TEX36: variants seen among roughly 807,000 people sequenced by gnomAD.
TEX36 encodes testis-expressed protein 36.
A neutral mutation model predicts 13.6 loss-of-function variants in TEX36; 12 were observed. That is an observed-to-expected ratio of 0.88 (90% confidence interval 0.56 to 1.43). The LOEUF (loss-of-function observed/expected upper bound fraction) is 1.43. Among genes scored for constraint, TEX36 ranks in the 40% most tolerant of loss-of-function variants. TEX36 has a pLI of 0.00. For missense variants in TEX36, 224 were observed against 228.3 expected (o/e 0.98, Z 0.12); for synonymous variants, 93 against 83.0 (o/e 1.12, Z -0.65).
chr10:125,645,108 C>T (rs759207455), intron 3 of TEX36, among the ~76,000 whole-genome samples: 4 of 152,214 alleles, frequency 2.6e-5, no homozygotes, highest in Non-Finnish European at 5.9e-5. Flanking sequence ...GCCTGTAAGA[C>T]CTTGAGCAGA....
intron 3 of TEX36, among the ~76,000 whole-genome samples, chr10:125,607,515 C>T (rs1477286976): frequency 6.6e-5 from 10 of 152,176 alleles, no homozygotes; most frequent in African/African-American, 2.2e-4. Flanking sequence ...AACAATTCTC[C>T]CTCCTGAGCA....
At chr10:125,661,124 A>C in intron 2 of TEX36, 23 bp from the exon 3 acceptor site, 1 of 1,536,014 alleles carries the variant, frequency 6.5e-7, no homozygotes, top group Non-Finnish European at 8.8e-7. Context: ...GATGGAAGGG[A>C]AAGAGCACAC....
At chr10:125,579,678 CT>C (rs1845862720) in intron 3 of TEX36, among the ~76,000 whole-genome samples, 1 of 152,024 alleles carries the variant, frequency 6.6e-6, no homozygotes, top group African/African-American at 2.4e-5. Flanking sequence ...GGATTTCCTC[CT>C]TGCTTTTCTC....
chr10:125,642,780 C>T lies in TEX36; in HGVS notation c.264+18241G>A, dbSNP rs780049229. 5.9e-5 allele frequency among the ~76,000 whole-genome samples: 9 copies of T among 152,280 alleles called. No individual in the cohort carries two copies. In the East Asian group the frequency reaches 9.6e-4, roughly 16 times the overall value. On this transcript the variant is annotated intron_variant, in intron 3 of 3. Transcript: ENST00000526819. ...CTTACTAATTCCCTATTTCAACAAA[C>T]GGAGACCAGGCCTCAGACAAGAGGT...
At chr10:125,578,935 C>T (rs772881846) in intron 3 of TEX36, among the ~76,000 whole-genome samples, 4 of 152,188 alleles carry the variant, frequency 2.6e-5, no homozygotes, top group Non-Finnish European at 4.4e-5. Flanking sequence ...GTGCCCTGGT[C>T]GCCCATGCCT....
intron 3 of TEX36, among the ~76,000 whole-genome samples, chr10:125,638,070 C>T (rs531099105): frequency 1.6e-4 from 25 of 152,192 alleles, no homozygotes; most frequent in African/African-American, 5.1e-4. Context: ...ACCTCCCTCA[C>T]TCACTCCAGA....
intron 3 of TEX36, among the ~76,000 whole-genome samples, chr10:125,640,662 C>A (rs1252462081): frequency 1.3e-5 from 2 of 152,106 alleles, no homozygotes; most frequent in Non-Finnish European, 2.9e-5. Context: ...ATTGACTGCC[C>A]TGTGTGTTTG....
intron 3 of TEX36, among the ~76,000 whole-genome samples, chr10:125,586,656 AAT>A (rs1355411426): frequency 1.4e-5 from 2 of 146,222 alleles, no homozygotes; most frequent in African/African-American, 5.0e-5. Flanking sequence ...AAAAAAAAAA[AAT>A]TAGCCAGGCA....
chr10:125,653,197 T>C (rs1293867184), downstream of TEX36, among the ~76,000 whole-genome samples: 1 of 152,164 alleles, frequency 6.6e-6, no homozygotes, highest in Non-Finnish European at 1.5e-5. Context: ...CGTATGTTTA[T>C]TGTGGCACTA....
chr10:125,655,945 T>C lies in TEX36; in HGVS notation c.516A>G (p.Val172=), dbSNP rs61746963. ...CAACCTTTTTGTCAACAGTGAACCT[T>C]ACTTTGGGCTTCTTTTTCAAAACCT... ...YTEVLKKKPK[V]RFTVDKKVVS... is the part of the protein sequence containing the mutation. Residue 172 remains valine, a synonymous_variant, in exon 4 of 4, where the codon GTA becomes GTG. Coordinates refer to ENST00000368821, the MANE Select transcript of TEX36 (RefSeq NM_001128202.3). 3.5e-4 allele frequency: 539 copies of C among 1,547,444 alleles called. 2 individuals are homozygous for C. In the African/African-American group the frequency reaches 5.6e-3, roughly 16 times the overall value.
rs550598514 is a variant in TEX36, at chr10:125,665,421, T to A, written c.52-3444A>T. Reference sequence around the variant, plus strand: ...TCAATTCATTTTGAGTTGATTTTTTTATATGGTGAGATATAGGTGTCCAGT... The same window carrying A: ...TCAATTCATTTTGAGTTGATTTTTTAATATGGTGAGATATAGGTGTCCAGT... On this transcript the variant is annotated intron_variant, in intron 1 of 3. Coordinates refer to ENST00000368821, the MANE Select transcript of TEX36 (RefSeq NM_001128202.3). 2.0e-5 allele frequency among the ~76,000 whole-genome samples: 3 copies of A among 152,290 alleles called. No homozygotes were observed. In the South Asian group the frequency reaches 6.2e-4, roughly 32 times the overall value.
At position 125,667,021 on chromosome 10, in the gene TEX36, G is replaced by T. The variant is rs187162761; in HGVS notation, c.52-5044C>A. On this transcript the variant is annotated intron_variant, in intron 1 of 3. Transcript: ENST00000368821. ...CAGCCTTCAGGTTCTCCTTCTTCCT[G>T]CCCCAGGCCTTCAGGGCAGAGGCCT... is the stretch of plus-strand genomic sequence containing the variant. 562 of 1,461,266 alleles carry T rather than the reference G, an allele frequency of 3.8e-4. 7 individuals are homozygous for T. In the South Asian group the frequency reaches 4.1e-3, roughly 11 times the overall value. The allele number at this position is 1,461,266 out of a possible 1,614,324, so 90.5% of individuals were successfully genotyped here.
intron 3 of TEX36, among the ~76,000 whole-genome samples, chr10:125,603,740 C>T (rs933636715): frequency 1.3e-5 from 2 of 152,198 alleles, no homozygotes; most frequent in Non-Finnish European, 2.9e-5. Flanking sequence ...TTATGCAGTC[C>T]TAATATTGAA....
At chr10:125,649,024 G>A (rs181627764) in intron 3 of TEX36, among the ~76,000 whole-genome samples, 21 of 152,280 alleles carry the variant, frequency 1.4e-4, no homozygotes, top group East Asian at 1.4e-3. Flanking sequence ...ACAAATCTAC[G>A]TCTGATTGGT....
chr10:125,587,040 G>A (rs1351825076), intron 3 of TEX36, among the ~76,000 whole-genome samples: 1 of 152,190 alleles, frequency 6.6e-6, no homozygotes, highest in African/African-American at 2.4e-5. Flanking sequence ...TGCCTGCCAT[G>A]TAGACGTGCC....
chr10:125,645,303 G>A (rs1018495876), intron 3 of TEX36, among the ~76,000 whole-genome samples: 1 of 152,152 alleles, frequency 6.6e-6, no homozygotes, highest in Non-Finnish European at 1.5e-5. Context: ...CCTTTTAGAG[G>A]TGATTGGGTT....
intron 3 of TEX36, among the ~76,000 whole-genome samples, chr10:125,599,914 G>T (rs1414459128): frequency 1.3e-5 from 2 of 152,126 alleles, no homozygotes; most frequent in Non-Finnish European, 2.9e-5. Flanking sequence ...GTGCCTGTGA[G>T]ACCCCCAATC....
chr10:125,581,279 A>T (rs1300926307), intron 3 of TEX36, among the ~76,000 whole-genome samples: 1 of 152,106 alleles, frequency 6.6e-6, no homozygotes, highest in South Asian at 2.1e-4. Flanking sequence ...CTCCCATTCT[A>T]GTACCGAGAA....
intron 3 of TEX36, among the ~76,000 whole-genome samples, chr10:125,592,546 C>T (rs1375715118): frequency 6.6e-6 from 1 of 152,148 alleles, no homozygotes; most frequent in African/African-American, 2.4e-5. Flanking sequence ...GCTGGGTTTC[C>T]TCCCTGCACA....
Sources: allele counts gnomAD v4.1 joint callset (sites outside exome capture counted in the v4.1 genomes callset), GRCh38; gene constraint gnomAD v4.1.1; transcripts MANE v1.5; gene names NCBI Gene and HGNC (gene_info 2026-07-23, HGNC 2026-07-21).